ACYP2: variants seen among roughly 807,000 people sequenced by gnomAD.
The protein encoded by ACYP2 is acylphosphatase-2.
A neutral mutation model predicts 11.2 loss-of-function variants in ACYP2; 12 were observed. The ratio of observed to expected loss-of-function variants is 1.08; its 90% CI spans 0.69 to 1.74. The LOEUF is 1.74. ACYP2 is among the 40% of genes most tolerant of loss of function. The pLI is 0.00. For synonymous variants in ACYP2, 43 were observed against 32.2 expected, an observed-to-expected ratio of 1.33 and a Z score of -1.13; for missense variants, 134 against 101.9, an observed-to-expected ratio of 1.31 and a Z score of -1.35.
Position 53,973,719 on chromosome 2 carries a change from C to A in ACYP2, c.-30C>A. The stretch of plus-strand genomic sequence containing the variant: ...TTGCTGACTCCTTTTTCAGACTCAG[C>A]CTGCCTGCACCCAGGTGAAATAAAC... On this transcript the variant is annotated 5_prime_UTR_variant, in exon 2 of 7. Coordinates refer to ENST00000607452, the MANE Select transcript of ACYP2 (RefSeq NM_001320586.2). 3.3e-6 allele frequency: 1 copy of A among 301,498 alleles called. No homozygotes were observed. Among genetic ancestry groups the A allele is most frequent in the Non-Finnish European group, 6.1e-6 (1 of 164,804 alleles). The allele number at this position is 301,498 out of a possible 1,614,324, so 18.7% of individuals were successfully genotyped here. A position where few individuals can be genotyped will look rare whatever the true frequency, so the allele number is the denominator to read the frequency against.
intron 4 of ACYP2, among the ~76,000 whole-genome samples, chr2:54,099,113 C>T (rs558278257): frequency 8.5e-5 from 13 of 152,270 alleles, no homozygotes; most frequent in African/African-American, 1.9e-4. Flanking sequence ...GTTCCCTTCA[C>T]CTGCTGTTCC....
At chr2:54,240,104 T>G (rs1686669311) in intron 6 of ACYP2, among the ~76,000 whole-genome samples, 1 of 152,218 alleles carries the variant, frequency 6.6e-6, no homozygotes, top group South Asian at 2.1e-4. Context: ...AACCATCTTA[T>G]GTGACCAAGT....
At chr2:54,249,822 T>C (rs1453072039) in intron 6 of ACYP2, among the ~76,000 whole-genome samples, 1 of 151,220 alleles carries the variant, frequency 6.6e-6, no homozygotes, top group African/African-American at 2.4e-5. Context: ...CATGTGCCTG[T>C]AGTCCCAGCT....
intron 6 of ACYP2, among the ~76,000 whole-genome samples, chr2:54,236,808 T>G (rs1397055391): frequency 6.6e-6 from 1 of 152,204 alleles, no homozygotes; most frequent in Admixed American, 6.5e-5. Context: ...CTCTGTTTTG[T>G]CAATGTTGTT....
At chr2:53,996,987 G>A (rs1006638553) in intron 2 of ACYP2, among the ~76,000 whole-genome samples, 1 of 152,128 alleles carries the variant, frequency 6.6e-6, no homozygotes, top group African/African-American at 2.4e-5. Flanking sequence ...GCTGACACAC[G>A]ACTAGCCCCA....
chr2:53,992,062 C>G (rs765443859), intron 2 of ACYP2, among the ~76,000 whole-genome samples: 12 of 151,136 alleles, frequency 7.9e-5, no homozygotes, highest in Non-Finnish European at 1.6e-4. Flanking sequence ...TCCCTCTTTC[C>G]TTCCTTTTTT....
intron 2 of ACYP2, among the ~76,000 whole-genome samples, chr2:53,997,138 A>G (rs1672610890): frequency 6.6e-6 from 1 of 152,170 alleles, no homozygotes; most frequent in African/African-American, 2.4e-5. Context: ...TTGACAAACC[A>G]TTCTCTCTTC....
intron 6 of ACYP2, among the ~76,000 whole-genome samples, chr2:54,177,335 C>G: frequency 6.6e-6 from 1 of 152,194 alleles, no homozygotes; most frequent in East Asian, 1.9e-4. Flanking sequence ...ACTAAATCCA[C>G]AGCTCATGGT....
chr2:54,243,947 G>C (rs1436108027), intron 6 of ACYP2, among the ~76,000 whole-genome samples: 1 of 151,670 alleles, frequency 6.6e-6, no homozygotes, highest in Non-Finnish European at 1.5e-5. Flanking sequence ...CAGCTGACCT[G>C]AAAGTCTTTT....
intron 4 of ACYP2, among the ~76,000 whole-genome samples, chr2:54,069,457 T>C (rs2103645019): frequency 6.6e-6 from 1 of 151,738 alleles, no homozygotes; most frequent in East Asian, 2.0e-4. Flanking sequence ...GGTTAGGAGA[T>C]CAAGACCATC....
chr2:54,201,036 C>T (rs1684729959), intron 6 of ACYP2, among the ~76,000 whole-genome samples: 1 of 151,592 alleles, frequency 6.6e-6, no homozygotes, highest in South Asian at 2.1e-4. Context: ...GCTTATCAGC[C>T]ATTTGTATAC....
intron 6 of ACYP2, among the ~76,000 whole-genome samples, chr2:54,259,738 C>T (rs2104039008): frequency 6.6e-6 from 1 of 151,980 alleles, no homozygotes; most frequent in Admixed American, 6.6e-5. Flanking sequence ...AATTTTTCTC[C>T]AAAAAGAAAC....
intron 6 of ACYP2, chr2:54,255,898 T>C: frequency 6.2e-7 from 1 of 1,614,080 alleles, no homozygotes; most frequent in East Asian, 2.2e-5. Context: ...CTGCCCCGCT[T>C]TGATGGCTCC....
At chr2:54,109,932 C>T (rs1192638660) in intron 4 of ACYP2, among the ~76,000 whole-genome samples, 1 of 151,942 alleles carries the variant, frequency 6.6e-6, no homozygotes. Flanking sequence ...CAGTTTTCAC[C>T]TCAAGTTCTT....
At chr2:54,007,255 C>CTTT (rs35008364) in intron 2 of ACYP2, among the ~76,000 whole-genome samples, 1 of 120,744 alleles carries the variant, frequency 8.3e-6, no homozygotes, top group Non-Finnish European at 1.7e-5. Flanking sequence ...CATGGTTTTT[C>CTTT]TTTTTTTTTT....
intron 6 of ACYP2, among the ~76,000 whole-genome samples, chr2:54,282,372 C>T (rs1051939682): frequency 4.6e-5 from 7 of 152,194 alleles, no homozygotes; most frequent in Non-Finnish European, 8.8e-5. Context: ...CTCTCATCCA[C>T]TCCTCTTTTG....
At chr2:54,205,164 G>T (rs900998772) in intron 6 of ACYP2, among the ~76,000 whole-genome samples, 14 of 152,082 alleles carry the variant, frequency 9.2e-5, no homozygotes, top group Non-Finnish European at 7.4e-5. Flanking sequence ...GCTTTGTTAG[G>T]TCAGGGAGTA....
intron 4 of ACYP2, among the ~76,000 whole-genome samples, chr2:54,126,530 A>G (rs1357491875): frequency 1.3e-5 from 2 of 150,728 alleles, no homozygotes; most frequent in African/African-American, 4.9e-5. Flanking sequence ...GGAAGTTTCA[A>G]CATTTTTTAC....
chr2:54,053,281 G>A (rs1030920412), intron 3 of ACYP2, among the ~76,000 whole-genome samples: 4 of 152,154 alleles, frequency 2.6e-5, no homozygotes, highest in African/African-American at 9.7e-5. Flanking sequence ...GGGCCCCATA[G>A]GGCTGGCTGT....
Sources: allele counts gnomAD v4.1 joint callset (sites outside exome capture counted in the v4.1 genomes callset), GRCh38; gene constraint gnomAD v4.1.1; transcripts MANE v1.5; gene names NCBI Gene and HGNC (gene_info 2026-07-23, HGNC 2026-07-21).